The following EMB variants were observed in gnomAD, a reference collection of about 807,000 sequenced individuals.
EMB encodes embigin.
A neutral mutation model predicts 41.4 loss-of-function variants in EMB; 31 were observed. The observed-to-expected ratio is 0.75, with a 90% CI of 0.56 to 1.01. EMB has a LOEUF of 1.01. EMB is among the 50% of genes least tolerant of loss of function. EMB has a pLI of 0.00. For missense variants in EMB, 379 were observed against 388.3 expected (o/e 0.98, Z 0.20); for synonymous variants, 137 against 140.4 (o/e 0.98, Z 0.17).
Position 50,409,517 on chromosome 5 carries a change from T to C in EMB, c.472+1360A>G, listed in dbSNP as rs576880724. The stretch of plus-strand genomic sequence containing the variant: ...TAAAAACTCAATAAAACATGTTCAC[T>C]GAAATTTTGTGTGTTTAGTATTATT... On this transcript the variant is annotated intron_variant, in intron 4 of 8. Transcript: ENST00000303221. 4.6e-5 allele frequency among the ~76,000 whole-genome samples: 7 copies of C among 152,128 alleles called. No homozygotes were observed. In the South Asian group the frequency reaches 8.3e-4, roughly 18 times the overall value.
rs747654054 is a variant in EMB, at chr5:50,410,870, T to C, written c.472+7A>G. 2.6e-6 allele frequency: 4 copies of C among 1,550,230 alleles called. No individual in the cohort carries two copies. The highest frequency in any genetic ancestry group is 2.3e-5 in the South Asian group (2 of 85,402). ...TATTAACTATTCCTCAAGTTATTAA[T>C]ACTGACCTTTGAAATTAAATGTTCC... On this transcript the variant is annotated splice_region_variant and intron_variant, in intron 4 of 8. Transcript: ENST00000303221.
At chr5:50,413,940 C>A (rs13184466) in intron 2 of EMB, among the ~76,000 whole-genome samples, 49,048 of 151,590 alleles carry the variant, frequency 0.32, 8,214 homozygotes, top group East Asian at 0.45. Context: ...GTTTGGGGCA[C>A]CTGAAGATTA....
At chr5:50,431,359 G>T (rs1452474323) in intron 1 of EMB, among the ~76,000 whole-genome samples, 1 of 152,214 alleles carries the variant, frequency 6.6e-6, no homozygotes, top group African/African-American at 2.4e-5. Flanking sequence ...ATTGCTTTCA[G>T]TTGGAGGACA....
rs898743238 is a variant in EMB, at chr5:50,441,269, G to A, written c.-118C>T. 57 of 526,318 alleles carry A rather than the reference G, an allele frequency of 1.1e-4. No individual in the cohort carries two copies. In the Middle Eastern group the frequency reaches 1.6e-3, roughly 15 times the overall value. The allele number at this position is 526,318 out of a possible 1,614,324, so 32.6% of individuals were successfully genotyped here. On this transcript the variant is annotated 5_prime_UTR_variant, in exon 1 of 9. Transcript: ENST00000303221. ...CCCGGCGCTCGCAGCCAGTGCCGCG[G>A]GTAGGACGCTGAAGAAAAGGCGGAA...
Position 50,441,119 on chromosome 5 carries a change from C to T in EMB, c.33G>A (p.Arg11=), listed in dbSNP as rs1028444021. 4 of 1,511,918 alleles carry T rather than the reference C, an allele frequency of 2.6e-6. No individual in the cohort carries two copies. Among genetic ancestry groups the T allele is most frequent in the Non-Finnish European group, 3.5e-6 (4 of 1,134,060 alleles). The allele number at this position is 1,511,918 out of a possible 1,614,324, so 93.7% of individuals were successfully genotyped here. A position where few individuals can be genotyped will look rare whatever the true frequency, so the allele number is the denominator to read the frequency against. Residue 11 remains arginine (R), a synonymous_variant, in exon 1 of 9, where the codon AGG becomes AGA. Transcript: ENST00000303221. MRALPGLLEA[R]ARTPRLLLLQ... ...GGAGGAGCAGCCGGGGCGTACGCGC[C>T]CTGGCCTCCAGCAGGCCGGGGAGGG...
chr5:50,421,726 T>C (rs1261006313), intron 2 of EMB, among the ~76,000 whole-genome samples: 1 of 151,822 alleles, frequency 6.6e-6, no homozygotes. Context: ...TAAAAAAGGA[T>C]GAGTTCATGT....
chr5:50,421,488 G>A (rs1332918663), intron 2 of EMB, among the ~76,000 whole-genome samples: 7 of 151,998 alleles, frequency 4.6e-5, no homozygotes, highest in Non-Finnish European at 7.4e-5. Context: ...TCAGTGTGGC[G>A]ATTCCTCAGG....
At chr5:50,425,166 C>T in intron 2 of EMB, among the ~76,000 whole-genome samples, 1 of 152,122 alleles carries the variant, frequency 6.6e-6, no homozygotes. Context: ...CTGAGTGGTC[C>T]TAACCTAGAC....
At position 50,405,713 on chromosome 5, in the gene EMB, GAACT is replaced by G. The variant is rs1431641368; in HGVS notation, c.600+8_600+11del. ...TTGTTGTTGTTTTCTTCAAATCAAG[GAACT>G]ATCTTACCTTTACACTCCCATTACT... On this transcript the variant is annotated splice_region_variant and intron_variant, in intron 5 of 8. Coordinates refer to ENST00000303221, the MANE Select transcript of EMB (RefSeq NM_198449.3). 1.0e-5 allele frequency: 16 copies of G among 1,565,038 alleles called. No homozygotes were observed. Among genetic ancestry groups the G allele is most frequent in the African/African-American group, 2.8e-5 (2 of 71,722 alleles).
chr5:50,441,124 C>T lies in EMB; in HGVS notation c.28G>A (p.Ala10Thr). 1 of 1,509,990 alleles carries T rather than the reference C, an allele frequency of 6.6e-7. No homozygotes were observed. The highest frequency in any genetic ancestry group is 8.8e-7 in the Non-Finnish European group (1 of 1,133,146). 93.5% of individuals were successfully genotyped at this position (1,509,990 alleles called of 1,614,324 possible). The change falls in exon 1 of 9, where the codon GCC becomes ACC. Residue 10 changes from alanine to threonine, a missense_variant. Coordinates refer to ENST00000303221, the MANE Select transcript of EMB (RefSeq NM_198449.3). MRALPGLLE[A>T]RARTPRLLLL... is the part of the protein sequence containing the mutation. ...AGCAGCCGGGGCGTACGCGCCCTGGCCTCCAGCAGGCCGGGGAGGGCGCGC... is the reference window on the plus strand; with the variant it reads ...AGCAGCCGGGGCGTACGCGCCCTGGTCTCCAGCAGGCCGGGGAGGGCGCGC...
Position 50,410,887 on chromosome 5 carries a change from A to G in EMB, c.462T>C (p.Phe154=). ...FREEKEQRGT[F]NFKVPELHGK... ...GTTATTAATACTGACCTTTGAAATT[A>G]AATGTTCCCCTTTGTTCCTTTTCCT... The change falls in exon 4 of 9, where the codon TTT becomes TTC. Residue 154 remains phenylalanine, a synonymous_variant. Transcript: ENST00000303221. 1 of 1,594,824 alleles carries G rather than the reference A, an allele frequency of 6.3e-7. No homozygotes were observed. Among genetic ancestry groups the G allele is most frequent in the South Asian group, 1.1e-5 (1 of 87,606 alleles).
intron 2 of EMB, among the ~76,000 whole-genome samples, chr5:50,422,571 A>G (rs552879492): frequency 6.6e-6 from 1 of 152,344 alleles, no homozygotes; most frequent in Non-Finnish European, 1.5e-5. Flanking sequence ...GTACAAAATA[A>G]TAACCATAAA....
intron 6 of EMB, among the ~76,000 whole-genome samples, chr5:50,402,950 T>G (rs1745189310): frequency 6.7e-6 from 1 of 148,854 alleles, no homozygotes; most frequent in South Asian, 2.1e-4. Context: ...TAATACTAAG[T>G]TTTTTCAGGA....
At chr5:50,429,044 C>T (rs1317539551) in intron 1 of EMB, among the ~76,000 whole-genome samples, 8 of 152,004 alleles carry the variant, frequency 5.3e-5, no homozygotes, top group Non-Finnish European at 1.0e-4. Context: ...TACAGGCTCC[C>T]GCCACCACGC....
At chr5:50,435,812 C>T (rs1389486088) in intron 1 of EMB, among the ~76,000 whole-genome samples, 1 of 152,072 alleles carries the variant, frequency 6.6e-6, no homozygotes, top group African/African-American at 2.4e-5. Context: ...TCATGAATCC[C>T]CATATTATTA....
chr5:50,399,908 G>C lies in EMB; in HGVS notation c.917C>G (p.Ser306Ter). The C allele has an allele frequency of 6.2e-7, 1 of 1,603,594 alleles. No individual in the cohort carries two copies. Among genetic ancestry groups the C allele is most frequent in the Non-Finnish European group, 8.5e-7 (1 of 1,175,278 alleles). Residue 306 changes from serine to a stop codon, truncating the protein, a stop_gained, in exon 8 of 9, where the codon TCA becomes TGA. Transcript: ENST00000303221. LOFTEE classifies it high-confidence loss of function. ...ATTTTCTATACCATTGCTATCATCT[G>C]ATTTCCTGCACAGAAAACAAAAAAG... ...KEFEQIEQLK[S>*]DDSNGIENNV...
chr5:50,421,962 G>A (rs982769068), intron 2 of EMB, among the ~76,000 whole-genome samples: 1 of 151,474 alleles, frequency 6.6e-6, no homozygotes, highest in African/African-American at 2.4e-5. Context: ...GAGTTAATGG[G>A]TGCAGCACAC....
At chr5:50,427,507 T>TATA (rs138169815) in intron 2 of EMB, among the ~76,000 whole-genome samples, 3 of 148,816 alleles carry the variant, frequency 2.0e-5, no homozygotes, top group South Asian at 2.1e-4. Context: ...TTATTATTAT[T>TATA]ATATTATTAT....
rs1168988994 is a variant in EMB at position 50,398,841 on chromosome 5, T to A, written c.*432A>T. ...ACCTTTACATAAAAATTGTTACATA[T>A]ACTTCCATAGATACTAATAGTAAGT... On this transcript the variant is annotated 3_prime_UTR_variant, in exon 9 of 9. Coordinates refer to ENST00000303221, the MANE Select transcript of EMB (RefSeq NM_198449.3). 1 of 152,890 alleles carries A rather than the reference T, an allele frequency of 6.5e-6. No individual in the cohort carries two copies. The allele number at this position is 152,890 out of a possible 1,614,324, so 9.5% of individuals were successfully genotyped here.
Sources: gnomAD v4.1 joint callset for allele counts (sites outside exome capture counted in the v4.1 genomes callset) on GRCh38, gnomAD v4.1.1 for gene constraint, MANE v1.5 for transcripts, NCBI Gene and HGNC (gene_info 2026-07-23, HGNC 2026-07-21) for gene names.